The following PIK3C3 variants were observed in gnomAD, a reference collection of about 807,000 sequenced individuals.
PIK3C3 encodes the protein PI3-kinase type 3.
In PIK3C3, 95 loss-of-function variants were observed where a neutral mutation model predicts 126.1. The observed-to-expected ratio is 0.75, with a 90% CI of 0.64 to 0.89. The LOEUF is 0.89. PIK3C3 is among the 40% of genes least tolerant of loss of function. The pLI, the probability that PIK3C3 is intolerant of heterozygous loss-of-function variation, is 0.00. For missense variants in PIK3C3, 829 were observed against 1,063.2 expected (o/e 0.78, Z 3.06); for synonymous variants, 374 against 360.0 (o/e 1.04, Z -0.44).
intron 22 of PIK3C3, among the ~76,000 whole-genome samples, chr18:42,063,841 G>T (rs949778094): frequency 1.3e-5 from 2 of 152,072 alleles, no homozygotes; most frequent in South Asian, 2.1e-4. Flanking sequence ...AAGGCGCTTG[G>T]TTGACATTTT....
chr18:42,085,043 C>T lies in PIK3C3; in HGVS notation c.*3906C>T, dbSNP rs1479154477. 2 of 152,194 alleles carry T rather than the reference C, an allele frequency of 1.3e-5. No homozygotes were observed. The highest frequency in any genetic ancestry group is 2.9e-5 in the Non-Finnish European group (2 of 68,034). The allele number at this position is 152,194 out of a possible 1,614,324, so 9.4% of individuals were successfully genotyped here. On this transcript the variant is annotated 3_prime_UTR_variant, in exon 25 of 25. Transcript: ENST00000262039. ...CCAGGTATCTCTTGTTATATGCTAA[C>T]TTCATTTTCCCTTTCTTGTCCATAG...
In PIK3C3 at chr18:42,085,040, T is replaced by C. The variant is rs1183802139; in HGVS notation, c.*3903T>C. On this transcript the variant is annotated 3_prime_UTR_variant, in exon 25 of 25. Coordinates refer to ENST00000262039, the MANE Select transcript of PIK3C3 (RefSeq NM_002647.4). ...CAACCAGGTATCTCTTGTTATATGCTAACTTCATTTTCCCTTTCTTGTCCA... is the reference window on the plus strand; with the variant it reads ...CAACCAGGTATCTCTTGTTATATGCCAACTTCATTTTCCCTTTCTTGTCCA... The C allele has an allele frequency of 3.3e-5, 5 of 152,372 alleles. No homozygotes were observed. In the South Asian group the frequency reaches 6.2e-4, roughly 19 times the overall value. The allele number at this position is 152,372 out of a possible 1,614,324, so 9.4% of individuals were successfully genotyped here. A position where few individuals can be genotyped will look rare whatever the true frequency, so the allele number is the denominator to read the frequency against.
intron 9 of PIK3C3, among the ~76,000 whole-genome samples, chr18:42,003,945 A>G (rs1982415119): frequency 2.0e-5 from 3 of 152,186 alleles, no homozygotes; most frequent in Admixed American, 1.3e-4. Flanking sequence ...CTGCCCTAGC[A>G]TGGCTTCCGG....
At chr18:42,002,932 A>G (rs1345758115) in intron 9 of PIK3C3, among the ~76,000 whole-genome samples, 1 of 152,200 alleles carries the variant, frequency 6.6e-6, no homozygotes, top group Non-Finnish European at 1.5e-5. Flanking sequence ...AATGGCTCCA[A>G]GGGGAATGGG....
At chr18:42,002,466 A>G (rs1000760105) in intron 9 of PIK3C3, among the ~76,000 whole-genome samples, 3 of 152,208 alleles carry the variant, frequency 2.0e-5, no homozygotes, top group African/African-American at 2.4e-5. Context: ...GGTTGTCCAC[A>G]TCGTATGGGG....
At chr18:41,966,964 T>A (rs1470319299) in intron 3 of PIK3C3, among the ~76,000 whole-genome samples, 1 of 152,188 alleles carries the variant, frequency 6.6e-6, no homozygotes, top group Non-Finnish European at 1.5e-5. Flanking sequence ...CCAACTCCTG[T>A]TCCCCCTGTA....
intron 19 of PIK3C3, among the ~76,000 whole-genome samples, 172 bp downstream of exon 19, chr18:42,040,913 A>G (rs1300855461): frequency 6.6e-6 from 1 of 152,082 alleles, no homozygotes; most frequent in Non-Finnish European, 1.5e-5. Context: ...AGATTCTTCC[A>G]TTTGTTACAT....
At chr18:42,045,009 C>A (rs1209429679) in intron 20 of PIK3C3, among the ~76,000 whole-genome samples, 1 of 152,092 alleles carries the variant, frequency 6.6e-6, no homozygotes, top group Non-Finnish European at 1.5e-5. Flanking sequence ...TCACAACACC[C>A]CTGTGAAGTC....
Position 42,081,868 on chromosome 18 carries a change from G to A in PIK3C3, c.*731G>A, listed in dbSNP as rs1986263059. The stretch of plus-strand genomic sequence containing the variant: ...ATATGACCACCAGTTTTAGTATTGA[G>A]CATAAGATATTTTTACATATTCATG... On this transcript the variant is annotated 3_prime_UTR_variant, in exon 25 of 25. Coordinates refer to ENST00000262039, the MANE Select transcript of PIK3C3 (RefSeq NM_002647.4). The A allele has an allele frequency of 6.6e-6, 1 of 152,090 alleles. No individual in the cohort carries two copies. The highest frequency in any genetic ancestry group is 2.4e-5 in the African/African-American group (1 of 41,428). 9.4% of individuals were successfully genotyped at this position (152,090 alleles called of 1,614,324 possible).
chr18:42,003,973 G>A (rs1982416725), intron 9 of PIK3C3, among the ~76,000 whole-genome samples: 3 of 152,186 alleles, frequency 2.0e-5, no homozygotes, highest in South Asian at 2.1e-4. Flanking sequence ...CTCAGTGGTT[G>A]CAGTATTTTC....
chr18:41,957,754 T>A lies in PIK3C3; in HGVS notation c.253T>A (p.Trp85Arg). ...RTSYKAFSTR[W>R]NWNEWLKLPV... The stretch of plus-strand genomic sequence containing the variant: ...ATCCTACAAAGCATTTAGTACAAGA[T>A]GGAAGTAAGTTTTTTTGTGGCATAT... The change falls in exon 2 of 25, where the codon TGG becomes AGG. Residue 85 changes from tryptophan (W) to arginine (R), a missense_variant. Coordinates refer to ENST00000262039, the MANE Select transcript of PIK3C3 (RefSeq NM_002647.4). 1 of 1,607,428 alleles carries A rather than the reference T, an allele frequency of 6.2e-7. No homozygotes were observed. Among genetic ancestry groups the A allele is most frequent in the Non-Finnish European group, 8.5e-7 (1 of 1,177,936 alleles).
At chr18:42,058,527 CT>C (rs1568004979) in intron 22 of PIK3C3, among the ~76,000 whole-genome samples, 2 of 152,146 alleles carry the variant, frequency 1.3e-5, no homozygotes, top group African/African-American at 4.8e-5. Flanking sequence ...CATTTTTATT[CT>C]TTAGCAGCCT....
chr18:41,956,665 A>G (rs1373590857), intron 1 of PIK3C3, among the ~76,000 whole-genome samples: 1 of 147,662 alleles, frequency 6.8e-6, no homozygotes, highest in East Asian at 2.0e-4. Context: ...CATTTCAGAC[A>G]TCTATCTGGG....
At chr18:42,071,039 T>G (rs1443477540) in intron 24 of PIK3C3, among the ~76,000 whole-genome samples, 1 of 152,202 alleles carries the variant, frequency 6.6e-6, no homozygotes, top group Non-Finnish European at 1.5e-5. Flanking sequence ...ATCCTGTAAT[T>G]AACATTACTT....
At position 41,987,812 on chromosome 18, in the gene PIK3C3, C is replaced by G; in HGVS notation, c.532C>G (p.Leu178Val). 1 of 1,598,996 alleles carries G rather than the reference C, an allele frequency of 6.3e-7. No individual in the cohort carries two copies. Among genetic ancestry groups the G allele is most frequent in the South Asian group, 1.1e-5 (1 of 88,060 alleles). ...TTTCGTCATTGTATTTATTCTGCAGCTCACCAAAGCTCATCGACAAGGACA... is the reference window on the plus strand; with the variant it reads ...TTTCGTCATTGTATTTATTCTGCAGGTCACCAAAGCTCATCGACAAGGACA... ...SEDQMSRLAKLTKAHRQGHMV... is the reference protein window; with the variant it reads ...SEDQMSRLAKVTKAHRQGHMV... Residue 178 changes from leucine (L) to valine (V), a missense_variant and splice_region_variant, in exon 5 of 25, where the codon CTC becomes GTC. This residue lies in a region of PIK3C3 where 313 missense variants were observed against 340.7 expected (regional missense o/e 0.92). Transcript: ENST00000262039.
At position 42,081,380 on chromosome 18, in the gene PIK3C3, ATAAAT is replaced by A. The variant is rs1251620521; in HGVS notation, c.*247_*251del. On this transcript the variant is annotated 3_prime_UTR_variant, in exon 25 of 25. Coordinates refer to ENST00000262039, the MANE Select transcript of PIK3C3 (RefSeq NM_002647.4). ...ATTTTTTCAAATGTATACATTGTTAATAAATTAAGAAATGAGAAACATTCTTATTT... is the reference window on the plus strand; with the variant it reads ...ATTTTTTCAAATGTATACATTGTTAATAAGAAATGAGAAACATTCTTATTT... The A allele has an allele frequency of 1.1e-4, 44 of 387,124 alleles. No homozygotes were observed. The highest frequency in any genetic ancestry group is 1.8e-4 in the Non-Finnish European group (39 of 215,266). The allele number at this position is 387,124 out of a possible 1,614,324, so 24.0% of individuals were successfully genotyped here. A position where few individuals can be genotyped will look rare whatever the true frequency, so the allele number is the denominator to read the frequency against.
At chr18:41,977,728 AC>A (rs1980999521) in intron 4 of PIK3C3, among the ~76,000 whole-genome samples, 1 of 151,986 alleles carries the variant, frequency 6.6e-6, no homozygotes, top group Non-Finnish European at 1.5e-5. Flanking sequence ...CAAGTGATCA[AC>A]CCGCCTCGGC....
chr18:42,036,229 C>T (rs750892667), intron 16 of PIK3C3, among the ~76,000 whole-genome samples: 1 of 151,912 alleles, frequency 6.6e-6, no homozygotes, highest in Non-Finnish European at 1.5e-5. Context: ...TTTGTTTTCC[C>T]CCAGCATTTT....
rs765288924 is a variant in PIK3C3 at position 41,987,814 on chromosome 18, C to A, written c.534C>A (p.Leu178=). 2 of 1,602,952 alleles carry A rather than the reference C, an allele frequency of 1.2e-6. No homozygotes were observed. The highest frequency in any genetic ancestry group is 3.4e-5 in the Admixed American group (2 of 59,190). ...SEDQMSRLAK[L]TKAHRQGHMV... ...TCGTCATTGTATTTATTCTGCAGCTCACCAAAGCTCATCGACAAGGACACA... is the reference window on the plus strand; with the variant it reads ...TCGTCATTGTATTTATTCTGCAGCTAACCAAAGCTCATCGACAAGGACACA... The change falls in exon 5 of 25, where the codon CTC becomes CTA. Residue 178 remains leucine (L), a splice_region_variant and synonymous_variant. Transcript: ENST00000262039.
Sources: allele counts gnomAD v4.1 joint callset (sites outside exome capture counted in the v4.1 genomes callset), GRCh38; gene constraint gnomAD v4.1.1; regional missense constraint gnomAD v4.1.1; transcripts MANE v1.5; gene names NCBI Gene and HGNC (gene_info 2026-07-23, HGNC 2026-07-21).